Variants in PEX5L observed in about 807,000 individuals in gnomAD.
PEX5L encodes PEX5-related protein.
A neutral mutation model predicts 84.0 loss-of-function variants in PEX5L; 30 were observed. The ratio of observed to expected loss-of-function variants is 0.36; its 90% CI spans 0.27 to 0.48. The LOEUF is 0.48. Among genes scored for constraint, PEX5L ranks in the 20% least tolerant of loss-of-function variants. The pLI is 0.99. For synonymous variants in PEX5L, 270 were observed against 283.1 expected, an observed-to-expected ratio of 0.95 and a Z score of 0.46; for missense variants, 533 against 754.6, an observed-to-expected ratio of 0.71 and a Z score of 3.44.
chr3:180,032,494 C>T (rs558078770), intron 1 of PEX5L, among the ~76,000 whole-genome samples: 2 of 152,274 alleles, frequency 1.3e-5, no homozygotes, highest in South Asian at 4.1e-4. Flanking sequence ...TGGTTTATTG[C>T]TATTAGTCAT....
At chr3:179,910,861 T>C (rs902315071) in intron 2 of PEX5L, among the ~76,000 whole-genome samples, 3 of 152,224 alleles carry the variant, frequency 2.0e-5, no homozygotes, top group Non-Finnish European at 2.9e-5. Context: ...TGTCAAACTT[T>C]CTGGTTATAA....
intron 11 of PEX5L, among the ~76,000 whole-genome samples, chr3:179,810,181 G>C (rs144076779): frequency 0.011 from 1,619 of 151,520 alleles, 28 homozygotes; most frequent in African/African-American, 0.037. Context: ...AGCTAATTTT[G>C]TATTTTTAGT....
At chr3:179,878,095 A>AT (rs1043366132) in intron 5 of PEX5L, among the ~76,000 whole-genome samples, 2 of 152,198 alleles carry the variant, frequency 1.3e-5, no homozygotes, top group Non-Finnish European at 2.9e-5. Flanking sequence ...TAACAGTCTA[A>AT]TGGAGGTATC....
chr3:179,938,047 ATCACTC>A (rs1215411027), intron 2 of PEX5L, among the ~76,000 whole-genome samples: 1 of 151,984 alleles, frequency 6.6e-6, no homozygotes, highest in East Asian at 1.9e-4. Context: ...CACCTCCAAC[ATCACTC>A]TCACTAACAC....
At chr3:180,016,241 T>C (rs1324526176) in intron 1 of PEX5L, among the ~76,000 whole-genome samples, 1 of 152,230 alleles carries the variant, frequency 6.6e-6, no homozygotes. Flanking sequence ...CTTTGATCAA[T>C]GATTATATCA....
intron 8 of PEX5L, among the ~76,000 whole-genome samples, chr3:179,827,929 C>T (rs1488881185): frequency 6.6e-6 from 1 of 152,154 alleles, no homozygotes; most frequent in Non-Finnish European, 1.5e-5. Flanking sequence ...CATATCTGTC[C>T]TTGTGAAGTC....
chr3:179,907,170 C>T (rs1319162313), intron 2 of PEX5L, among the ~76,000 whole-genome samples: 3 of 151,492 alleles, frequency 2.0e-5, no homozygotes, highest in South Asian at 2.1e-4. Context: ...GATGTATTTC[C>T]CCAATTTCTT....
chr3:179,935,147 T>C (rs1015773545), intron 2 of PEX5L, among the ~76,000 whole-genome samples: 1 of 151,632 alleles, frequency 6.6e-6, no homozygotes, highest in Non-Finnish European at 1.5e-5. Flanking sequence ...ATATGAAACA[T>C]GCTACCCTAG....
Position 179,797,572 on chromosome 3 carries a change from T to TATC in PEX5L, c.*4253_*4255dup, listed in dbSNP as rs1349485522. ...TTTTTACAAACTTTATGCCAGAGTT[T>TATC]ATCTATGAACACTCTTTAAAAAAAA... On this transcript the variant is annotated 3_prime_UTR_variant, in exon 15 of 15. Coordinates refer to ENST00000467460, the MANE Select transcript of PEX5L (RefSeq NM_016559.3). The TATC allele has an allele frequency of 7.2e-6, 1 of 137,954 alleles. No homozygotes were observed. The highest frequency in any genetic ancestry group is 2.7e-5 in the African/African-American group (1 of 36,718). 8.5% of individuals were successfully genotyped at this position (137,954 alleles called of 1,614,324 possible).
At chr3:179,841,105 A>C (rs1474718058) in intron 8 of PEX5L, among the ~76,000 whole-genome samples, 1 of 152,058 alleles carries the variant, frequency 6.6e-6, no homozygotes, top group Non-Finnish European at 1.5e-5. Context: ...GTGGGAGAAA[A>C]ACGAGTATCT....
intron 11 of PEX5L, among the ~76,000 whole-genome samples, chr3:179,811,417 T>C (rs956759038): frequency 6.6e-6 from 1 of 152,166 alleles, no homozygotes; most frequent in Non-Finnish European, 1.5e-5. Context: ...ACTGTTCCCA[T>C]CCCTCCTGCT....
chr3:179,807,085 A>T lies in PEX5L; in HGVS notation c.1676+589T>A, dbSNP rs185990763. ...ATTTCTAGGCCCTGGTAATGGGAAA[A>T]AGAAAGAGAGGACGCAGACCTTAAC... is the stretch of plus-strand genomic sequence containing the variant. On this transcript the variant is annotated intron_variant, in intron 14 of 14. Transcript: ENST00000467460. Among the ~76,000 whole-genome samples, 7 of 152,348 alleles carry T rather than the reference A, an allele frequency of 4.6e-5. No individual in the cohort carries two copies. In the East Asian group the frequency reaches 1.2e-3, roughly 25 times the overall value.
intron 7 of PEX5L, among the ~76,000 whole-genome samples, chr3:179,871,650 G>C (rs1291339924): frequency 2.6e-5 from 4 of 152,284 alleles, no homozygotes; most frequent in East Asian, 1.9e-4. Context: ...GCTGATCAAA[G>C]GGGGGCAATT....
intron 1 of PEX5L, among the ~76,000 whole-genome samples, chr3:180,009,466 A>G (rs921030962): frequency 1.3e-5 from 2 of 152,262 alleles, no homozygotes; most frequent in Non-Finnish European, 2.9e-5. Flanking sequence ...CAATAAAACA[A>G]GCAAACAAAA....
At chr3:179,877,805 T>C (rs1207090011) in intron 5 of PEX5L, among the ~76,000 whole-genome samples, 2 of 152,094 alleles carry the variant, frequency 1.3e-5, no homozygotes, top group African/African-American at 4.8e-5. Flanking sequence ...TATTAACTTA[T>C]TTGTACAACT....
intron 7 of PEX5L, among the ~76,000 whole-genome samples, chr3:179,864,020 C>T (rs1234179328): frequency 6.6e-6 from 1 of 152,094 alleles, no homozygotes; most frequent in Non-Finnish European, 1.5e-5. Context: ...CAAGCTCTTT[C>T]TTTGCCTGCT....
intron 2 of PEX5L, among the ~76,000 whole-genome samples, chr3:179,958,727 T>A (rs1781243437): frequency 6.6e-6 from 1 of 152,236 alleles, no homozygotes; most frequent in Non-Finnish European, 1.5e-5. Context: ...GACATTCAGA[T>A]AAAGGATTTA....
chr3:179,991,887 C>G lies in PEX5L; in HGVS notation c.22-20222G>C, dbSNP rs545380958. ...GACATAACAAAGTATATTTTCTTAG[C>G]TTTAGTTATTTATTTGATACAAAAA... On this transcript the variant is annotated intron_variant, in intron 1 of 14. Coordinates refer to ENST00000467460, the MANE Select transcript of PEX5L (RefSeq NM_016559.3). Among the ~76,000 whole-genome samples the G allele has an allele frequency of 2.0e-5, 3 of 152,202 alleles. No homozygotes were observed. The South Asian group carries it at 6.2e-4, about 32-fold the overall frequency.
chr3:179,985,245 T>A (rs1786701922), intron 1 of PEX5L, among the ~76,000 whole-genome samples: 1 of 152,212 alleles, frequency 6.6e-6, no homozygotes, highest in Admixed American at 6.5e-5. Flanking sequence ...TTGTTTTTCA[T>A]GATTAGCATA....
Sources: allele counts gnomAD v4.1 joint callset (sites outside exome capture counted in the v4.1 genomes callset), GRCh38; gene constraint gnomAD v4.1.1; transcripts MANE v1.5; gene names NCBI Gene and HGNC (gene_info 2026-07-23, HGNC 2026-07-21).